MDFIC2: variants seen among roughly 807,000 people sequenced by gnomAD.
MDFIC2 encodes myoD family inhibitor domain-containing protein 2.
At chr3:70,287,222 A>C (rs1434470359) in intron 2 of MDFIC2, among the ~76,000 whole-genome samples, 2 of 137,706 alleles carry the variant, frequency 1.5e-5, no homozygotes, top group Non-Finnish European at 3.1e-5. Context: ...ATTATTTTGA[A>C]ATACGTCCCA....
At chr3:70,204,537 C>T (rs1000309339) in intron 3 of MDFIC2, 1 of 152,122 alleles carries the variant, frequency 6.6e-6, no homozygotes. Flanking sequence ...AGGAAAAGGA[C>T]AAGTGGACTA....
intron 2 of MDFIC2, among the ~76,000 whole-genome samples, chr3:70,260,122 C>T (rs1701851851): frequency 6.6e-6 from 1 of 152,148 alleles, no homozygotes; most frequent in Non-Finnish European, 1.5e-5. Context: ...GTTCTAAAGG[C>T]TAGAATCTGA....
rs1419950009 is a variant in MDFIC2, at chr3:70,196,418, G to C, written c.*508C>G. Among the ~76,000 whole-genome samples the C allele has an allele frequency of 6.6e-6, 1 of 152,052 alleles. No homozygotes were observed. The highest frequency in any genetic ancestry group is 2.1e-4 in the South Asian group (1 of 4,830). ...CTGTACATATAAGTGAATTTTAAGA[G>C]ACTGTATAAATAAATTTTTAATTAC... On this transcript the variant is annotated 3_prime_UTR_variant, in exon 4 of 4. Transcript: ENST00000567252.
chr3:70,211,872 C>T (rs1308578553), intron 2 of MDFIC2, among the ~76,000 whole-genome samples: 2 of 148,602 alleles, frequency 1.3e-5, no homozygotes, highest in African/African-American at 5.0e-5. Context: ...TTCTCCCTTC[C>T]CTTCCCTTCT....
intron 2 of MDFIC2, among the ~76,000 whole-genome samples, chr3:70,292,929 C>T (rs1702252650): frequency 6.7e-6 from 1 of 148,636 alleles, no homozygotes; most frequent in Non-Finnish European, 1.5e-5. Context: ...AATTATCTAA[C>T]AAGAAAAACA....
intron 2 of MDFIC2, among the ~76,000 whole-genome samples, chr3:70,217,489 G>C (rs1278709215): frequency 6.6e-6 from 1 of 152,102 alleles, no homozygotes; most frequent in Non-Finnish European, 1.5e-5. Flanking sequence ...ATTGGGAGAA[G>C]TTTGTCTATG....
At chr3:70,263,913 A>G (rs1163325894) in intron 2 of MDFIC2, among the ~76,000 whole-genome samples, 1 of 152,126 alleles carries the variant, frequency 6.6e-6, no homozygotes, top group Non-Finnish European at 1.5e-5. Context: ...CTGTTGTCCA[A>G]TATCTCAAAT....
chr3:70,311,311 C>G (rs1205147801), intron 2 of MDFIC2, among the ~76,000 whole-genome samples: 1 of 152,080 alleles, frequency 6.6e-6, no homozygotes, highest in Admixed American at 6.6e-5. Context: ...AGTAAATAAT[C>G]ACAGGTTTAG....
intron 2 of MDFIC2, among the ~76,000 whole-genome samples, chr3:70,239,037 A>T (rs1023304087): frequency 6.6e-6 from 1 of 152,170 alleles, no homozygotes; most frequent in Admixed American, 6.5e-5. Flanking sequence ...ATGATCTACA[A>T]AAATGGCTTA....
At chr3:70,309,945 C>G (rs1285971462) in intron 2 of MDFIC2, among the ~76,000 whole-genome samples, 1 of 151,990 alleles carries the variant, frequency 6.6e-6, no homozygotes, top group African/African-American at 2.4e-5. Flanking sequence ...AATTGATTGG[C>G]CTATCAATTT....
chr3:70,268,603 A>G (rs1326527059), intron 2 of MDFIC2, among the ~76,000 whole-genome samples: 1 of 152,032 alleles, frequency 6.6e-6, no homozygotes, highest in Non-Finnish European at 1.5e-5. Context: ...TGTACCTTCT[A>G]TGGGTTTGGA....
At chr3:70,285,204 C>A (rs1303459941) in intron 2 of MDFIC2, among the ~76,000 whole-genome samples, 1 of 112,120 alleles carries the variant, frequency 8.9e-6, no homozygotes, top group Non-Finnish European at 1.8e-5. Flanking sequence ...CTATCCCTCC[C>A]CCCTCCCCCC....
intron 2 of MDFIC2, among the ~76,000 whole-genome samples, chr3:70,281,208 T>C (rs1409594429): frequency 1.3e-5 from 2 of 152,112 alleles, no homozygotes; most frequent in African/African-American, 4.8e-5. Context: ...AAGGATCATA[T>C]TAAAGTTCAC....
rs775717009 is a variant in MDFIC2, at chr3:70,196,423, TATAA to T, written c.*499_*502del. ...CATATAAGTGAATTTTAAGAGACTG[TATAA>T]ATAAATTTTTAATTACAAAATGATG... On this transcript the variant is annotated 3_prime_UTR_variant, in exon 4 of 4. Coordinates refer to ENST00000567252, the MANE Select transcript of MDFIC2 (RefSeq NM_001364677.1). Among the ~76,000 whole-genome samples, 30 of 152,200 alleles carry T rather than the reference TATAA, an allele frequency of 2.0e-4. No individual in the cohort carries two copies. Among genetic ancestry groups the T allele is most frequent in the Non-Finnish European group, 3.2e-4 (22 of 68,038 alleles).
chr3:70,228,052 A>G (rs563709426), intron 2 of MDFIC2, among the ~76,000 whole-genome samples: 1 of 151,898 alleles, frequency 6.6e-6, no homozygotes, highest in African/African-American at 2.4e-5. Context: ...TCCAACAGAG[A>G]ATCTTAATGA....
intron 2 of MDFIC2, chr3:70,271,749 G>C (rs1230376447): frequency 6.6e-6 from 1 of 152,132 alleles, no homozygotes; most frequent in Non-Finnish European, 1.5e-5. Context: ...AATTGCTATG[G>C]CTCACACTTA....
At chr3:70,215,112 A>T (rs1442047875) in intron 2 of MDFIC2, among the ~76,000 whole-genome samples, 1 of 152,126 alleles carries the variant, frequency 6.6e-6, no homozygotes, top group Non-Finnish European at 1.5e-5. Flanking sequence ...TATTCATCCG[A>T]ACTATTTGAA....
At chr3:70,292,758 G>C (rs1252559303) in intron 2 of MDFIC2, among the ~76,000 whole-genome samples, 8 of 151,914 alleles carry the variant, frequency 5.3e-5, no homozygotes, top group Non-Finnish European at 2.9e-5. Context: ...CACACTGTTT[G>C]CAGATAAAGA....
At chr3:70,254,063 T>A (rs1231347370) in intron 2 of MDFIC2, among the ~76,000 whole-genome samples, 1 of 152,214 alleles carries the variant, frequency 6.6e-6, no homozygotes, top group Non-Finnish European at 1.5e-5. Flanking sequence ...TAACAGTTAT[T>A]TAGTAGGCAT....
Sources: gnomAD v4.1 joint callset for allele counts (sites outside exome capture counted in the v4.1 genomes callset) on GRCh38, gnomAD v4.1.1 for gene constraint, MANE v1.5 for transcripts, NCBI Gene and HGNC (gene_info 2026-07-23, HGNC 2026-07-21) for gene names.